NBPF20: variants seen among roughly 807,000 people sequenced by gnomAD.
The protein encoded by NBPF20 is NBPF member 20, also known as NBPF family member NBPF20.
Under a neutral mutation model 68.1 loss-of-function variants are expected in NBPF20, and 90 were observed. The observed-to-expected ratio is 1.32, with a 90% CI of 1.11 to 1.58. NBPF20 has a LOEUF of 1.58. Among genes scored for constraint, NBPF20 ranks in the 40% most tolerant of loss-of-function variants. NBPF20 has a pLI of 0.00. For missense variants in NBPF20, 816 were observed against 601.2 expected, an observed-to-expected ratio of 1.36 and a Z score of -3.74; for synonymous variants, 290 against 228.1, an observed-to-expected ratio of 1.27 and a Z score of -2.45.
exon 10 of NBPF20, chr1:145,393,184 C>G (rs1553662486): frequency 1.6e-6 from 1 of 609,256 alleles, no homozygotes; most frequent in Admixed American, 2.9e-5. Context: ...AGTTGAATAA[C>G]ATCTATCCAG....
chr1:145,290,604 A>C (rs1463973460), exon 138 of NBPF20: 1 of 150,742 alleles, frequency 6.6e-6, no homozygotes, highest in African/African-American at 2.4e-5. Context: ...AAATAACTAA[A>C]GAAATGCAGC....
intron 9 of NBPF20, 174 bp downstream of exon 14, chr1:145,393,710 A>G (rs1346369569): frequency 4.4e-5 from 65 of 1,482,874 alleles, no homozygotes; most frequent in Middle Eastern, 2.4e-4. Flanking sequence ...AAGGGTAGGA[A>G]GAAATGGAAA....
exon 6 of NBPF20, chr1:145,400,536 T>C (rs1662472033): frequency 3.7e-6 from 6 of 1,612,902 alleles, no homozygotes; most frequent in South Asian, 3.3e-5. Context: ...GAATAAGTGA[T>C]GGCACATTCC....
chr1:145,393,844 G>T lies in NBPF20; in HGVS notation c.1043+40C>A, dbSNP rs1296555025. ...TTCCCTGGACTTGGCATCTCCAGGT[G>T]TCAACATCAAATTAACTCTCCACAA... On this transcript the variant is annotated intron_variant, in intron 9 of 137. Transcript: ENST00000369373. 1.6e-4 allele frequency: 234 copies of T among 1,442,344 alleles called. No homozygotes were observed. The Middle Eastern group carries it at 4.4e-3, about 27-fold the overall frequency. The allele number at this position is 1,442,344 out of a possible 1,614,324, so 89.3% of individuals were successfully genotyped here.
chr1:145,409,757 G>A (rs1236317577), upstream of NBPF20, among the ~76,000 whole-genome samples: 1 of 151,938 alleles, frequency 6.6e-6, no homozygotes, highest in Admixed American at 6.6e-5. Flanking sequence ...TCAGGACTCA[G>A]ACTTATAGAT....
intron 119 of NBPF20, among the ~76,000 whole-genome samples, chr1:145,306,370 T>A: frequency 7.3e-6 from 1 of 136,818 alleles, no homozygotes; most frequent in Non-Finnish European, 1.6e-5. Flanking sequence ...GATGAGGGAG[T>A]AACAGGACAC....
chr1:145,410,054 G>C (rs587763706), upstream of NBPF20, among the ~76,000 whole-genome samples: 5 of 152,104 alleles, frequency 3.3e-5, no homozygotes, highest in South Asian at 6.2e-4. Context: ...CCTAGGAATG[G>C]AATGACTGTC....
chr1:145,291,658 G>A (rs1419293632), exon 138 of NBPF20: 3 of 1,611,870 alleles, frequency 1.9e-6, no homozygotes, highest in Non-Finnish European at 2.5e-6. Flanking sequence ...CACTTCTGTA[G>A]TGCTGGAATG....
upstream of NBPF20, among the ~76,000 whole-genome samples, chr1:145,409,966 A>G (rs1211168826): frequency 6.6e-6 from 1 of 152,010 alleles, no homozygotes; most frequent in Admixed American, 6.6e-5. Flanking sequence ...TTACGGAGCC[A>G]CGAGAAACAG....
At position 145,292,460 on chromosome 1, in the gene NBPF20, T is replaced by A. The variant is rs1326629921; in HGVS notation, c.16618A>T (p.Arg5540Ter). The change falls in exon 137 of 138, where the codon AGA becomes TGA. Residue 5540 changes from arginine to a stop codon, truncating the protein, a stop_gained. Transcript: ENST00000369373. LOFTEE classifies it high-confidence loss of function. ...TTCTTCTTTGATCTTCTTCCCCTTC[T>A]TTTCTTCCCCTTCCCCTTCTTTTCA... 5.0e-5 allele frequency: 36 copies of A among 717,926 alleles called. No individual in the cohort carries two copies. Among genetic ancestry groups the A allele is most frequent in the Non-Finnish European group, 8.2e-5 (33 of 404,480 alleles). 44.5% of individuals were successfully genotyped at this position (717,926 alleles called of 1,614,324 possible).
the NBPF20 span, among the ~76,000 whole-genome samples, chr1:145,417,675 T>A: frequency 8.5e-6 from 1 of 117,802 alleles, no homozygotes; most frequent in Admixed American, 8.4e-5. Flanking sequence ...TAATAAGATA[T>A]ACAGATGGCA....
upstream of NBPF20, among the ~76,000 whole-genome samples, chr1:145,407,392 G>A (rs1278172877): frequency 1.5e-4 from 22 of 143,910 alleles, no homozygotes; most frequent in African/African-American, 4.9e-4. Context: ...ATATATACAC[G>A]TGTATATATA....
intron 8 of NBPF20, among the ~76,000 whole-genome samples, 152 bp downstream of exon 13, chr1:145,394,826 G>T (rs1485143256): frequency 1.3e-5 from 2 of 152,340 alleles, no homozygotes; most frequent in South Asian, 2.1e-4. Flanking sequence ...CTTCAGACTC[G>T]ACTCCAGAGT....
Position 145,403,215 on chromosome 1 carries a change from C to G in NBPF20, c.278+1G>C. 1 of 1,612,430 alleles carries G rather than the reference C, an allele frequency of 6.2e-7. No individual in the cohort carries two copies. The highest frequency in any genetic ancestry group is 8.5e-7 in the Non-Finnish European group (1 of 1,179,988). On this transcript the variant is annotated splice_donor_variant, in intron 3 of 137. Transcript: ENST00000369373. LOFTEE classifies it high-confidence loss of function. ...TGCCTGCCACCATGGGGTCCCCTCACCTGAGCTCCTCAGCTTGCTTGAGCT... is the reference window on the plus strand; with the variant it reads ...TGCCTGCCACCATGGGGTCCCCTCAGCTGAGCTCCTCAGCTTGCTTGAGCT...
the NBPF20 span, among the ~76,000 whole-genome samples, chr1:145,425,577 G>A: frequency 6.6e-6 from 1 of 152,204 alleles, no homozygotes; most frequent in African/African-American, 2.4e-5. Flanking sequence ...CGGCCAGCTG[G>A]ATCCTCAGGG....
chr1:145,290,198 A>G (rs1332108828), exon 138 of NBPF20: 1 of 148,550 alleles, frequency 6.7e-6, no homozygotes, highest in Non-Finnish European at 1.5e-5. Context: ...AGGATTAATA[A>G]ATGATAAAAT....
chr1:145,397,360 G>A (rs1231958612), intron 7 of NBPF20, among the ~76,000 whole-genome samples: 7 of 152,124 alleles, frequency 4.6e-5, no homozygotes, highest in South Asian at 4.1e-4. Flanking sequence ...TTCCACAATC[G>A]TTGAACTAGT....
chr1:145,311,898 A>G (rs1165565135), intron 112 of NBPF20, among the ~76,000 whole-genome samples: 5 of 112,664 alleles, frequency 4.4e-5, no homozygotes, highest in South Asian at 5.5e-4. Flanking sequence ...GATGAAATCT[A>G]CAAGATCTAC....
rs1474442710 is a variant in NBPF20, at chr1:145,397,318, G to C, written c.827+1731C>G. Among the ~76,000 whole-genome samples, 41 of 152,148 alleles carry C rather than the reference G, an allele frequency of 2.7e-4. 1 individual carries two copies. Among genetic ancestry groups the C allele is most frequent in the Non-Finnish European group, 7.3e-5 (5 of 68,036 alleles). ...ATGGCTGGGTCAAATGGTATTTCTA[G>C]TTCTAGATCCCTGAGGAATTGTCAC... On this transcript the variant is annotated intron_variant, in intron 7 of 137. Coordinates refer to ENST00000369373, the Ensembl canonical transcript of NBPF20.
Sources: gnomAD v4.1 joint callset for allele counts (sites outside exome capture counted in the v4.1 genomes callset) on GRCh38, gnomAD v4.1.1 for gene constraint, MANE v1.5 for transcripts, NCBI Gene and HGNC (gene_info 2026-07-23, HGNC 2026-07-21) for gene names.